Variants in PDZRN4 observed in about 807,000 individuals in gnomAD.
PDZRN4 encodes PDZ domain containing ring finger 4.
In PDZRN4, 70 loss-of-function variants were observed where a neutral mutation model predicts 99.0. The observed-to-expected ratio is 0.71, with a 90% CI of 0.58 to 0.86. The LOEUF is 0.86. PDZRN4 is among the 40% of genes least tolerant of loss of function. PDZRN4 has a pLI of 0.00. For missense variants in PDZRN4, 1,474 were observed against 1,331.2 expected, an observed-to-expected ratio of 1.11 and a Z score of -1.67; for synonymous variants, 551 against 501.6, an observed-to-expected ratio of 1.10 and a Z score of -1.32.
chr12:41,371,872 G>A (rs1029605954), intron 3 of PDZRN4, among the ~76,000 whole-genome samples: 3 of 152,060 alleles, frequency 2.0e-5, no homozygotes, highest in African/African-American at 7.2e-5. Context: ...TGTTCACCCA[G>A]ATTAACCTAG....
At chr12:41,371,365 C>G (rs1196276685) in intron 3 of PDZRN4, among the ~76,000 whole-genome samples, 5 of 151,794 alleles carry the variant, frequency 3.3e-5, no homozygotes, top group Non-Finnish European at 7.4e-5. Flanking sequence ...CATTGTTTTC[C>G]TCTCAGAATT....
intron 3 of PDZRN4, among the ~76,000 whole-genome samples, chr12:41,396,756 T>C (rs368583055): frequency 6.6e-6 from 1 of 152,208 alleles, no homozygotes; most frequent in African/African-American, 2.4e-5. Flanking sequence ...TTGTATTATA[T>C]TCTTTAACTA....
intron 3 of PDZRN4, among the ~76,000 whole-genome samples, chr12:41,310,325 C>T (rs1213403708): frequency 6.6e-6 from 1 of 151,888 alleles, no homozygotes; most frequent in Non-Finnish European, 1.5e-5. Flanking sequence ...TTATCAATGT[C>T]CATTGGGGAT....
At chr12:41,414,930 G>C (rs1952431488) in intron 3 of PDZRN4, among the ~76,000 whole-genome samples, 1 of 152,168 alleles carries the variant, frequency 6.6e-6, no homozygotes, top group African/African-American at 2.4e-5. Context: ...GTCAAGGGAA[G>C]AGCACATGTG....
In PDZRN4 at chr12:41,463,947, C is replaced by A. The variant is rs568842218; in HGVS notation, c.844-42509C>A. Among the ~76,000 whole-genome samples, 3 of 152,246 alleles carry A rather than the reference C, an allele frequency of 2.0e-5. No individual in the cohort carries two copies. In the East Asian group the frequency reaches 5.8e-4, roughly 29 times the overall value. The stretch of plus-strand genomic sequence containing the variant: ...AATCTGGCCAAACATATGGGTGATT[C>A]TGGGAGCCAGCTTACCCCCACAGGA... On this transcript the variant is annotated intron_variant, in intron 3 of 9. Transcript: ENST00000402685.
chr12:41,521,272 T>A (rs1488030320), intron 5 of PDZRN4, among the ~76,000 whole-genome samples: 1 of 152,132 alleles, frequency 6.6e-6, no homozygotes, highest in Non-Finnish European at 1.5e-5. Context: ...GTAAAACACA[T>A]TGACACCATT....
intron 3 of PDZRN4, among the ~76,000 whole-genome samples, chr12:41,250,710 A>T (rs1185606954): frequency 6.6e-6 from 1 of 152,228 alleles, no homozygotes; most frequent in Non-Finnish European, 1.5e-5. Flanking sequence ...AAACTTTCAC[A>T]AAGTTGCACT....
intron 5 of PDZRN4, among the ~76,000 whole-genome samples, chr12:41,524,172 T>A (rs1057335887): frequency 5.3e-5 from 8 of 152,150 alleles, no homozygotes; most frequent in African/African-American, 1.9e-4. Context: ...ACTTGTACCC[T>A]GAAATGCATA....
chr12:41,479,536 C>T (rs984614623), intron 3 of PDZRN4, among the ~76,000 whole-genome samples: 5 of 152,186 alleles, frequency 3.3e-5, no homozygotes, highest in Non-Finnish European at 7.3e-5. Context: ...ATTGAAGTAG[C>T]AGTTCTCTAA....
At chr12:41,528,844 T>C (rs1938613715) in intron 5 of PDZRN4, among the ~76,000 whole-genome samples, 1 of 152,238 alleles carries the variant, frequency 6.6e-6, no homozygotes, top group African/African-American at 2.4e-5. Context: ...CTGAAGGTCC[T>C]GCCTTTCATC....
At chr12:41,454,948 A>G (rs2608707) in intron 3 of PDZRN4, among the ~76,000 whole-genome samples, 78,664 of 152,084 alleles carry the variant, frequency 0.52, 20,897 homozygotes, top group African/African-American at 0.65. Context: ...TATGGCTGGT[A>G]TAACTCAGGA....
At chr12:41,377,712 AT>A (rs1952092635) in intron 3 of PDZRN4, among the ~76,000 whole-genome samples, 1 of 151,994 alleles carries the variant, frequency 6.6e-6, no homozygotes, top group African/African-American at 2.4e-5. Flanking sequence ...CACCTCTTTG[AT>A]TACATTTATT....
At chr12:41,310,235 G>A (rs1951597819) in intron 3 of PDZRN4, among the ~76,000 whole-genome samples, 1 of 149,400 alleles carries the variant, frequency 6.7e-6, no homozygotes, top group African/African-American at 2.5e-5. Flanking sequence ...ATCCAGCCTT[G>A]TGAGGAACTT....
At chr12:41,467,685 C>G (rs1316905289) in intron 3 of PDZRN4, among the ~76,000 whole-genome samples, 1 of 152,190 alleles carries the variant, frequency 6.6e-6, no homozygotes, top group Non-Finnish European at 1.5e-5. Flanking sequence ...AACTGTGACA[C>G]AGAGCCAGCC....
At chr12:41,454,412 T>G (rs1952801497) in intron 3 of PDZRN4, among the ~76,000 whole-genome samples, 1 of 152,260 alleles carries the variant, frequency 6.6e-6, no homozygotes, top group Non-Finnish European at 1.5e-5. Flanking sequence ...TAGAGTCACA[T>G]TTTTAAAAGA....
At chr12:41,293,222 T>C (rs1321863685) in intron 3 of PDZRN4, among the ~76,000 whole-genome samples, 1 of 140,174 alleles carries the variant, frequency 7.1e-6, no homozygotes, top group East Asian at 2.3e-4. Context: ...GCTCTATGAC[T>C]AACTTCTGGC....
chr12:41,216,387 T>C (rs181388823), intron 3 of PDZRN4, among the ~76,000 whole-genome samples: 31 of 152,050 alleles, frequency 2.0e-4, no homozygotes, highest in Non-Finnish European at 4.0e-4. Flanking sequence ...AATTAAGTTT[T>C]AGGGAATCAA....
At chr12:41,375,040 C>T (rs1269562071) in intron 3 of PDZRN4, among the ~76,000 whole-genome samples, 2 of 152,144 alleles carry the variant, frequency 1.3e-5, no homozygotes, top group Non-Finnish European at 2.9e-5. Context: ...GTTTCGTAGA[C>T]AGGCCCATGT....
At chr12:41,489,675 T>C (rs62712862) in intron 3 of PDZRN4, among the ~76,000 whole-genome samples, 1 of 31,268 alleles carries the variant, frequency 3.2e-5, no homozygotes, top group Non-Finnish European at 5.9e-5. Flanking sequence ...GATTTCCAGG[T>C]TTTTTTTTTT....
Sources: gnomAD v4.1 joint callset for allele counts (sites outside exome capture counted in the v4.1 genomes callset) on GRCh38, gnomAD v4.1.1 for gene constraint, MANE v1.5 for transcripts, NCBI Gene and HGNC (gene_info 2026-07-23, HGNC 2026-07-21) for gene names.